The following TTC39A variants were observed in gnomAD, a reference collection of about 807,000 sequenced individuals.
TTC39A encodes the protein tetratricopeptide repeat protein 39A.
Under a neutral mutation model 82.3 loss-of-function variants are expected in TTC39A, and 46 were observed. The ratio of observed to expected loss-of-function variants is 0.56; its 90% CI spans 0.44 to 0.71. The LOEUF (loss-of-function observed/expected upper bound fraction) is 0.71, where lower values mean the gene tolerates loss of function less well. Among genes scored for constraint, TTC39A ranks in the 30% least tolerant of loss-of-function variants. The pLI, the probability that TTC39A is intolerant of heterozygous loss-of-function variation, is 0.00. For synonymous variants in TTC39A, 254 were observed against 275.2 expected, an observed-to-expected ratio of 0.92 and a Z score of 0.76; for missense variants, 543 against 712.9, an observed-to-expected ratio of 0.76 and a Z score of 2.71.
intron 2 of TTC39A, among the ~76,000 whole-genome samples, chr1:51,317,922 C>T (rs181883169): frequency 6.6e-6 from 1 of 152,264 alleles, no homozygotes; most frequent in South Asian, 2.1e-4. Context: ...CTTTGGCGAT[C>T]CTGAGTGCTA....
chr1:51,287,932 G>C lies in TTC39A; in HGVS notation c.*225C>G. The C allele has an allele frequency of 1.8e-6, 1 of 561,396 alleles. No homozygotes were observed. The highest frequency in any genetic ancestry group is 3.1e-5 in the Admixed American group (1 of 32,622). The allele number at this position is 561,396 out of a possible 1,614,324, so 34.8% of individuals were successfully genotyped here. On this transcript the variant is annotated 3_prime_UTR_variant, in exon 18 of 18. Transcript: ENST00000680483. The stretch of plus-strand genomic sequence containing the variant: ...AAAGCAAGTACCCGTATGTGTGATA[G>C]GGCAGGCAGAGGGCTCCACCTGCTC...
intron 1 of TTC39A, among the ~76,000 whole-genome samples, chr1:51,341,071 T>C (rs1187925088): frequency 1.3e-5 from 2 of 152,142 alleles, no homozygotes; most frequent in African/African-American, 4.8e-5. Context: ...CTCGGGAGGC[T>C]GAGGCAGGAG....
chr1:51,302,562 C>T lies in TTC39A; in HGVS notation c.775G>A (p.Val259Ile), dbSNP rs772077323. Reference protein sequence around the residue: ...FLTFVLGTGNVNIEEAEKLLK... With the variant: ...FLTFVLGTGNINIEEAEKLLK... ...AGCTTCTCGGCCTCCTCGATGTTGACGTTCCCAGTACCTGGAGGAGATGGT... is the reference window on the plus strand; with the variant it reads ...AGCTTCTCGGCCTCCTCGATGTTGATGTTCCCAGTACCTGGAGGAGATGGT... The change falls in exon 10 of 18, where the codon GTC becomes ATC. Residue 259 changes from valine to isoleucine, a missense_variant. Coordinates refer to ENST00000680483, the MANE Select transcript of TTC39A (RefSeq NM_001297663.2). 1.4e-5 allele frequency: 23 copies of T among 1,603,654 alleles called. No individual in the cohort carries two copies. Among genetic ancestry groups the T allele is most frequent in the Admixed American group, 3.4e-5 (2 of 58,360 alleles).
intron 2 of TTC39A, among the ~76,000 whole-genome samples, chr1:51,317,483 T>C (rs138547287): frequency 2.8e-3 from 432 of 152,334 alleles, no homozygotes; most frequent in Non-Finnish European, 4.4e-3. Context: ...GTGCGCTGGC[T>C]CACGCCTGTA....
intron 4 of TTC39A, 45 bp from the exon 5 acceptor site, chr1:51,311,366 T>A: frequency 6.6e-7 from 1 of 1,521,254 alleles, no homozygotes; most frequent in Non-Finnish European, 8.9e-7. Flanking sequence ...GGGACTCTAG[T>A]CAGGAGGCCT....
chr1:51,324,973 G>A (rs1319513146), intron 1 of TTC39A, among the ~76,000 whole-genome samples: 3 of 152,038 alleles, frequency 2.0e-5, no homozygotes, highest in Non-Finnish European at 2.9e-5. Flanking sequence ...ACCCACATCT[G>A]TCTGGGCATG....
At chr1:51,305,249 G>C in intron 7 of TTC39A, 103 bp from the exon 8 acceptor site, 1 of 1,155,376 alleles carries the variant, frequency 8.7e-7, no homozygotes, top group South Asian at 1.3e-5. Flanking sequence ...ACCTGGAGGG[G>C]AGAGGGCCAC....
chr1:51,330,886 C>T (rs1449670388), upstream of TTC39A: 2 of 578,526 alleles, frequency 3.5e-6, no homozygotes, highest in African/African-American at 3.7e-5. This position sits in a 1 kb window ranked among gnomAD's most constrained non-coding sequence, Gnocchi z 4.5. Context: ...CGCCCCGAAG[C>T]GGCCCCCACC....
rs185439947 is a variant in TTC39A at position 51,303,792 on chromosome 1, G to A, written c.655-600C>T. Among the ~76,000 whole-genome samples, 469 of 152,178 alleles carry A rather than the reference G, an allele frequency of 3.1e-3. 2 individuals are homozygous for A. Among genetic ancestry groups the A allele is most frequent in the Admixed American group, 6.9e-3 (105 of 15,268 alleles). ...CCTTCGAGATAAAGAGGAAGCCCAG[G>A]CTGGCACAGTAGGTCCCGCAACCCT... On this transcript the variant is annotated intron_variant, in intron 8 of 17. Transcript: ENST00000680483.
chr1:51,326,347 C>T (rs1322017741), intron 1 of TTC39A, among the ~76,000 whole-genome samples: 1 of 152,120 alleles, frequency 6.6e-6, no homozygotes, highest in Non-Finnish European at 1.5e-5. Context: ...GGGGAAACAG[C>T]ACACACACAG....
In TTC39A at chr1:51,294,619, C is replaced by T. The variant is rs1644345548; in HGVS notation, c.1146-108G>A. On this transcript the variant is annotated intron_variant, in intron 13 of 17. Transcript: ENST00000680483. This position sits in a 1 kb window ranked among gnomAD's most constrained non-coding sequence, Gnocchi z 4.3. ...GGCGCCTCTCTGGGCCTCAGTTTCC[C>T]CATCTGCACAATGACAGTGTTAGAC... 2 of 1,495,302 alleles carry T rather than the reference C, an allele frequency of 1.3e-6. No homozygotes were observed. The highest frequency in any genetic ancestry group is 1.9e-5 in the Admixed American group (1 of 51,834). The allele number at this position is 1,495,302 out of a possible 1,614,324, so 92.6% of individuals were successfully genotyped here.
At chr1:51,329,081 T>C (rs1465087629) in intron 1 of TTC39A, among the ~76,000 whole-genome samples, 2 of 152,212 alleles carry the variant, frequency 1.3e-5, no homozygotes, top group African/African-American at 4.8e-5. Flanking sequence ...CTTGCTGTCC[T>C]GAGGCCTGCA....
In TTC39A at chr1:51,312,888, C is replaced by A. The variant is rs975475936; in HGVS notation, c.202G>T (p.Ala68Ser). Residue 68 changes from alanine (A) to serine (S), a missense_variant, in exon 3 of 18, where the codon GCC becomes TCC. Coordinates refer to ENST00000680483, the MANE Select transcript of TTC39A (RefSeq NM_001297663.2). ...TCCTGAGGGTCAAAGGTCATCATGG[C>A]CTGCATCTCCAGGATGGTGGCATAT... ...LTYATILEMQAMMTFDPQDIL... is the reference protein window; with the variant it reads ...LTYATILEMQSMMTFDPQDIL... 1 of 1,613,954 alleles carries A rather than the reference C, an allele frequency of 6.2e-7. No individual in the cohort carries two copies. The highest frequency in any genetic ancestry group is 8.5e-7 in the Non-Finnish European group (1 of 1,179,864).
In TTC39A at chr1:51,312,197, T is replaced by C; in HGVS notation, c.279-2A>G. 6.2e-7 allele frequency: 1 copy of C among 1,603,910 alleles called. No homozygotes were observed. Among genetic ancestry groups the C allele is most frequent in the Non-Finnish European group, 8.5e-7 (1 of 1,175,246 alleles). ...GTTACAGAAGACTTCCTCCGGTGCC[T>C]GAAGAGGAAAAAGAGGGGCCTCAGG... On this transcript the variant is annotated splice_acceptor_variant, in intron 3 of 17. Transcript: ENST00000680483. LOFTEE classifies it high-confidence loss of function.
intron 1 of TTC39A, among the ~76,000 whole-genome samples, chr1:51,337,048 G>A (rs999212394): frequency 7.2e-5 from 11 of 152,056 alleles, no homozygotes; most frequent in African/African-American, 1.9e-4. Context: ...GTCTGCTACC[G>A]TCTATTATCC....
Position 51,321,616 on chromosome 1 carries a change from G to C in TTC39A, c.146+105C>G, listed in dbSNP as rs968873877. 1 of 1,088,688 alleles carries C rather than the reference G, an allele frequency of 9.2e-7. No homozygotes were observed. Among genetic ancestry groups the C allele is most frequent in the Non-Finnish European group, 1.4e-6 (1 of 738,144 alleles). 67.4% of individuals were successfully genotyped at this position (1,088,688 alleles called of 1,614,324 possible). On this transcript the variant is annotated intron_variant, in intron 2 of 17. Coordinates refer to ENST00000680483, the MANE Select transcript of TTC39A (RefSeq NM_001297663.2). This position sits in a 1 kb window ranked among gnomAD's most constrained non-coding sequence, Gnocchi z 4.6. ...ACTTCTCAGAGGTCCTGGTGACCCA[G>C]AAAGCCAAAGGCATTTAGTTACACA...
chr1:51,291,805 C>CA (rs112294762), intron 14 of TTC39A, among the ~76,000 whole-genome samples: 1,755 of 128,046 alleles, frequency 0.014, 33 homozygotes, highest in African/African-American at 0.041. Flanking sequence ...GATTCTATCT[C>CA]AAAAAAAAAA....
rs780766579 is a variant in TTC39A, at chr1:51,294,341, C to T, written c.1266+50G>A. On this transcript the variant is annotated intron_variant, in intron 14 of 17. Transcript: ENST00000680483. The surrounding 1 kb of genome is among the most constrained non-coding windows in gnomAD (Gnocchi z 4.3). ...CCCTGGCTGTGGCTCTCAGTGAATC[C>T]CCACAATCCTATACCCGGAGGGCAG... 1.2e-6 allele frequency: 2 copies of T among 1,608,984 alleles called. No individual in the cohort carries two copies. The highest frequency in any genetic ancestry group is 1.7e-5 in the Admixed American group (1 of 59,894).
In TTC39A at chr1:51,294,425, G is replaced by C. The variant is rs748980683; in HGVS notation, c.1232C>G (p.Ser411Cys). 4 of 1,614,020 alleles carry C rather than the reference G, an allele frequency of 2.5e-6. No homozygotes were observed. In the South Asian group the frequency reaches 4.4e-5, roughly 18 times the overall value. ...FAIRKSRRYF[S>C]SNPISLPVPA... ...CACTGGCAGCGAGATAGGGTTGGAG[G>C]AGAAGTAGCGCCGGGACTTCCGGAT... The change falls in exon 14 of 18, where the codon TCC (serine) becomes TGC (cysteine). Residue 411 changes from serine (S) to cysteine (C), a missense_variant. Transcript: ENST00000680483. This position sits in a 1 kb window ranked among gnomAD's most constrained non-coding sequence, Gnocchi z 4.3.
Sources: allele counts gnomAD v4.1 joint callset (sites outside exome capture counted in the v4.1 genomes callset), GRCh38; gene constraint gnomAD v4.1.1; non-coding constraint Gnocchi (gnomAD v3.1); transcripts MANE v1.5; gene names NCBI Gene and HGNC (gene_info 2026-07-23, HGNC 2026-07-21).